ZNF536: variants seen among roughly 807,000 people sequenced by gnomAD.
The protein encoded by ZNF536 is zinc finger protein 536.
Under a neutral mutation model 84.5 loss-of-function variants are expected in ZNF536, and 13 were observed. That is an observed-to-expected ratio of 0.15 (90% CI 0.10 to 0.24). The LOEUF (loss-of-function observed/expected upper bound fraction) is 0.24. Among genes scored for constraint, ZNF536 ranks in the 10% least tolerant of loss-of-function variants. The pLI is 1.00. For missense variants in ZNF536, 1,536 were observed against 1,747.5 expected (o/e 0.88, Z 2.16); for synonymous variants, 811 against 742.5 (o/e 1.09, Z -1.50).
intron 2 of ZNF536, among the ~76,000 whole-genome samples, chr19:30,511,061 C>G (rs1397575381): frequency 6.6e-6 from 1 of 152,154 alleles, no homozygotes; most frequent in African/African-American, 2.4e-5. Context: ...TGACCATCAC[C>G]ACTTGAGATC....
At chr19:30,416,025 C>A (rs1568407415) in intron 1 of ZNF536, among the ~76,000 whole-genome samples, 1 of 152,178 alleles carries the variant, frequency 6.6e-6, no homozygotes, top group Non-Finnish European at 1.5e-5. Context: ...CCTATACTTT[C>A]CATTTCATTA....
At chr19:30,572,319 G>A (rs536604650) in intron 1 of ZNF536, among the ~76,000 whole-genome samples, 3 of 152,228 alleles carry the variant, frequency 2.0e-5, no homozygotes, top group Admixed American at 1.3e-4. Context: ...TCACACTAAG[G>A]TCCCAGGCCC....
intron 2 of ZNF536, among the ~76,000 whole-genome samples, chr19:30,483,727 T>A (rs942947007): frequency 6.6e-6 from 1 of 152,022 alleles, no homozygotes; most frequent in African/African-American, 2.4e-5. Context: ...TCTGGAAGGA[T>A]CTACCTAAAA....
At chr19:30,612,006 C>T (rs924409665) in intron 1 of ZNF536, among the ~76,000 whole-genome samples, 9 of 152,148 alleles carry the variant, frequency 5.9e-5, no homozygotes, top group African/African-American at 2.2e-4. Context: ...TTTTGGAATT[C>T]TCATGGCAGC....
At chr19:30,304,954 T>C (rs1432866967) in intron 2 of ZNF536, among the ~76,000 whole-genome samples, 2 of 152,198 alleles carry the variant, frequency 1.3e-5, no homozygotes, top group African/African-American at 4.8e-5. Context: ...TGCCTGTTCT[T>C]AGGAGGAGAC....
chr19:30,568,644 G>A lies in ZNF536; in HGVS notation c.169+19130G>A, dbSNP rs77461625. The stretch of plus-strand genomic sequence containing the variant: ...TGGTTTTCCAAGGCAGACATACAGG[G>A]CAGGTCCAATCTGCTGAGCTTTTCA... On this transcript the variant is annotated intron_variant, in intron 1 of 1. Transcript: ENST00000592773. 1.3e-4 allele frequency among the ~76,000 whole-genome samples: 20 copies of A among 152,314 alleles called. No individual in the cohort carries two copies. In the East Asian group the frequency reaches 2.5e-3, roughly 19 times the overall value.
At chr19:30,530,088 G>A (rs1424174803) in intron 2 of ZNF536, among the ~76,000 whole-genome samples, 2 of 152,178 alleles carry the variant, frequency 1.3e-5, no homozygotes, top group African/African-American at 2.4e-5. Flanking sequence ...CTAGGAGCTG[G>A]CAGGGGTCTG....
Position 30,548,987 on chromosome 19 carries a change from G to A in ZNF536, c.3368G>A (p.Gly1123Asp), listed in dbSNP as rs781377488. 6.2e-6 allele frequency: 10 copies of A among 1,614,002 alleles called. No homozygotes were observed. In the African/African-American group the frequency reaches 1.3e-4, roughly 22 times the overall value. Residue 1123 changes from glycine (G) to aspartate (D), a missense_variant, in exon 4 of 5, where the codon GGC becomes GAC. Around this residue, in one of 8 missense-constraint regions of ZNF536, gnomAD observed 624 missense variants for 603.1 expected, o/e 1.03. Coordinates refer to ENST00000355537, the MANE Select transcript of ZNF536 (RefSeq NM_014717.3). ...KQFGVYPGMV[G>D]SGASSSCPNK... ...TTTGGTGTTTACCCAGGCATGGTTG[G>A]CTCAGGGGCCTCCAGTTCCTGCCCC...
intron 2 of ZNF536, among the ~76,000 whole-genome samples, chr19:30,455,410 A>C (rs2052793015): frequency 6.6e-6 from 1 of 152,136 alleles, no homozygotes; most frequent in Non-Finnish European, 1.5e-5. Flanking sequence ...ATCACCTTAA[A>C]TATTTATCTT....
intron 2 of ZNF536, among the ~76,000 whole-genome samples, chr19:30,315,128 T>C (rs2046636628): frequency 6.6e-6 from 1 of 152,250 alleles, no homozygotes; most frequent in African/African-American, 2.4e-5. Context: ...CTCATGCCTT[T>C]TGTTCTCTGC....
At chr19:30,683,478 G>C (rs542734973) in intron 1 of ZNF536, among the ~76,000 whole-genome samples, 1 of 152,110 alleles carries the variant, frequency 6.6e-6, no homozygotes, top group African/African-American at 2.4e-5. Context: ...TTTGCATTTG[G>C]AAAACCTCTT....
intron 1 of ZNF536, among the ~76,000 whole-genome samples, chr19:30,385,486 G>C (rs1030327600): frequency 6.6e-6 from 1 of 151,712 alleles, no homozygotes; most frequent in Non-Finnish European, 1.5e-5. Flanking sequence ...GTTCCTGACT[G>C]TCCTCTGTGG....
rs750798022 is a variant in ZNF536, at chr19:30,549,418, G to A, written c.3799G>A (p.Val1267Ile). The A allele has an allele frequency of 6.3e-7, 1 of 1,586,778 alleles. No homozygotes were observed. Among genetic ancestry groups the A allele is most frequent in the Non-Finnish European group, 8.6e-7 (1 of 1,166,716 alleles). Residue 1267 changes from valine to isoleucine, a missense_variant, in exon 4 of 5, where the codon GTC becomes ATC. Physicochemically the swap from Val to Ile is conservative, Grantham distance 29 (BLOSUM62 3). Around this residue, in one of 8 missense-constraint regions of ZNF536, gnomAD observed 624 missense variants for 603.1 expected, o/e 1.03. Transcript: ENST00000355537. ...GGACAAGCCGATGAACATGCTGTCG[G>A]TCCTCAGGGCCTACAGTTCTGATGG... The part of the protein sequence containing the change: ...SLDKPMNMLS[V>I]LRAYSSDGLA...
chr19:30,480,953 C>T (rs1051083123), intron 2 of ZNF536, among the ~76,000 whole-genome samples: 6 of 149,708 alleles, frequency 4.0e-5, no homozygotes, highest in South Asian at 2.2e-4. Flanking sequence ...GAGAGTCGCC[C>T]GGGAGGCGGA....
chr19:30,458,492 C>T (rs1285629182), intron 2 of ZNF536, among the ~76,000 whole-genome samples: 1 of 124,074 alleles, frequency 8.1e-6, no homozygotes, highest in Non-Finnish European at 1.6e-5. Flanking sequence ...ACTCTTGTTG[C>T]CCGGGCTGGA....
intron 1 of ZNF536, among the ~76,000 whole-genome samples, chr19:30,701,936 G>A (rs1184353311): frequency 6.6e-6 from 1 of 152,144 alleles, no homozygotes; most frequent in African/African-American, 2.4e-5. Context: ...TTCACCAATG[G>A]GCACTGTCAC....
chr19:30,361,974 C>A (rs116955163), intron 3 of ZNF536, among the ~76,000 whole-genome samples: 102 of 152,296 alleles, frequency 6.7e-4, no homozygotes, highest in African/African-American at 1.6e-3. Flanking sequence ...CAAATAGACA[C>A]CACCAACTAA....
chr19:30,473,346 G>C (rs954720121), intron 2 of ZNF536, among the ~76,000 whole-genome samples: 1 of 152,052 alleles, frequency 6.6e-6, no homozygotes, highest in African/African-American at 2.4e-5. Context: ...TGGTGTTTTA[G>C]CCCAGCGTGT....
At chr19:30,290,801 C>T (rs2045811156) in intron 2 of ZNF536, among the ~76,000 whole-genome samples, 1 of 152,172 alleles carries the variant, frequency 6.6e-6, no homozygotes, top group Non-Finnish European at 1.5e-5. Context: ...TTAAGCCCTG[C>T]ATGTATTAGG....
Sources: allele counts gnomAD v4.1 joint callset (sites outside exome capture counted in the v4.1 genomes callset), GRCh38; gene constraint gnomAD v4.1.1; regional missense constraint gnomAD v4.1.1; transcripts MANE v1.5; gene names NCBI Gene and HGNC (gene_info 2026-07-23, HGNC 2026-07-21).